MTNAP1: variants seen among roughly 807,000 people sequenced by gnomAD.
The protein encoded by MTNAP1 is mitochondrial nucleoid-associated protein 1.
At chr17:73,235,221 A>AAAAT in the MTNAP1 span, among the ~76,000 whole-genome samples, 40 of 152,204 alleles carry the variant, frequency 2.6e-4, no homozygotes, top group African/African-American at 7.2e-4. Context: ...CTCTGTTTCC[A>AAAAT]AAATAAATAA....
the MTNAP1 span, among the ~76,000 whole-genome samples, chr17:73,233,508 T>C: frequency 6.6e-6 from 1 of 152,172 alleles, no homozygotes; most frequent in African/African-American, 2.4e-5. Context: ...AAACAAACAG[T>C]CTGTGGCTTT....
chr17:73,233,128 C>G, the MTNAP1 span: 1 of 152,302 alleles, frequency 6.6e-6, no homozygotes, highest in Non-Finnish European at 1.5e-5. Context: ...TCTCTGCTTT[C>G]CGGAACCTGT....
the MTNAP1 span, chr17:73,235,772 C>T: frequency 3.1e-6 from 5 of 1,614,178 alleles, no homozygotes; most frequent in East Asian, 8.9e-5. Flanking sequence ...CCACTGCCAG[C>T]TGTTGGTTTG....
chr17:73,238,815 C>T, the MTNAP1 span, among the ~76,000 whole-genome samples: 3 of 152,184 alleles, frequency 2.0e-5, no homozygotes, highest in Admixed American at 6.6e-5. Context: ...AGTAGAGCTG[C>T]AAGGAGAACC....
At chr17:73,245,420 G>C in the MTNAP1 span, 5 of 1,198,778 alleles carry the variant, frequency 4.2e-6, no homozygotes, top group Admixed American at 4.3e-5. Context: ...TTGCTCTCAG[G>C]AGCAACTGAG....
At chr17:73,248,284 A>C in the MTNAP1 span, 3 of 554,020 alleles carry the variant, frequency 5.4e-6, no homozygotes, top group South Asian at 6.9e-5. Context: ...TGCTACCCAC[A>C]GAAGCCAGTA....
chr17:73,246,806 TTTTAG>T, the MTNAP1 span, among the ~76,000 whole-genome samples: 1 of 152,190 alleles, frequency 6.6e-6, no homozygotes, highest in Non-Finnish European at 1.5e-5. Flanking sequence ...CATTCAGTTA[TTTTAG>T]TTTAATATTA....
chr17:73,247,100 CA>C, the MTNAP1 span: 22 of 711,548 alleles, frequency 3.1e-5, no homozygotes, highest in East Asian at 6.1e-4. Flanking sequence ...TGTATGTAGT[CA>C]AAATGTACAA....
At chr17:73,236,787 C>T in the MTNAP1 span, 4 of 1,614,144 alleles carry the variant, frequency 2.5e-6, no homozygotes, top group Middle Eastern at 1.6e-4. Flanking sequence ...TATGTTCAGC[C>T]CAGCGTCACA....
the MTNAP1 span, chr17:73,236,851 C>G: frequency 6.2e-7 from 1 of 1,614,056 alleles, no homozygotes; most frequent in Non-Finnish European, 8.5e-7. Flanking sequence ...GAAGACTCTT[C>G]GCAGCTGCAT....
At chr17:73,242,326 G>A in the MTNAP1 span, 2 of 1,602,554 alleles carry the variant, frequency 1.2e-6, no homozygotes, top group Admixed American at 1.7e-5. Flanking sequence ...TCTCTCTAAT[G>A]AGGCTCTTGG....
At chr17:73,236,410 A>G in the MTNAP1 span, 15 of 1,614,050 alleles carry the variant, frequency 9.3e-6, no homozygotes, top group Non-Finnish European at 1.2e-5. Context: ...GTGTGGGAGC[A>G]AAGGAAATGC....
the MTNAP1 span, among the ~76,000 whole-genome samples, chr17:73,239,147 G>A: frequency 1.3e-4 from 19 of 151,992 alleles, no homozygotes; most frequent in African/African-American, 4.6e-4. Context: ...TGTTGGTCAG[G>A]CTGGTCTTGA....
At chr17:73,234,800 T>C in the MTNAP1 span, among the ~76,000 whole-genome samples, 6 of 152,056 alleles carry the variant, frequency 3.9e-5, no homozygotes, top group Admixed American at 3.9e-4. Context: ...TGTATATGCA[T>C]ATTACTAAAT....
the MTNAP1 span, chr17:73,236,727 C>T: frequency 6.2e-7 from 1 of 1,614,118 alleles, no homozygotes; most frequent in Non-Finnish European, 8.5e-7. Flanking sequence ...CTCTGGAGCC[C>T]AAATCTGATA....
chr17:73,241,303 GC>G, the MTNAP1 span, among the ~76,000 whole-genome samples: 1 of 152,038 alleles, frequency 6.6e-6, no homozygotes, highest in African/African-American at 2.4e-5. Flanking sequence ...GACTACAAGC[GC>G]CCGCCACCAC....
At chr17:73,236,612 CCT>C in the MTNAP1 span, 1 of 1,614,128 alleles carries the variant, frequency 6.2e-7, no homozygotes, top group Admixed American at 1.7e-5. Flanking sequence ...CAAAGTCTTG[CCT>C]CTCTAGCTAC....
At chr17:73,240,583 G>T in the MTNAP1 span, among the ~76,000 whole-genome samples, 2 of 152,242 alleles carry the variant, frequency 1.3e-5, no homozygotes, top group East Asian at 3.8e-4. Context: ...AGTTTTATTG[G>T]AATCTTTGCA....
chr17:73,237,887 T>A, the MTNAP1 span, among the ~76,000 whole-genome samples: 19 of 151,596 alleles, frequency 1.3e-4, no homozygotes, highest in Non-Finnish European at 2.5e-4. Context: ...ACAGTGAAGA[T>A]CAAGGACCAG....
Sources: gnomAD v4.1 joint callset for allele counts (sites outside exome capture counted in the v4.1 genomes callset) on GRCh38, gnomAD v4.1.1 for gene constraint, MANE v1.5 for transcripts, NCBI Gene and HGNC (gene_info 2026-07-23, HGNC 2026-07-21) for gene names.